Variants in NKD1 observed in about 807,000 individuals in gnomAD.
The protein encoded by NKD1 is NKD inhibitor of Wnt signaling pathway 1.
Under a neutral mutation model 56.0 loss-of-function variants are expected in NKD1, and 21 were observed. The observed-to-expected ratio is 0.38, with a 90% CI of 0.27 to 0.54. NKD1 has a LOEUF of 0.54. Among genes scored for constraint, NKD1 ranks in the 20% least tolerant of loss-of-function variants. The pLI is 0.82. For synonymous variants in NKD1, 263 were observed against 265.7 expected, an observed-to-expected ratio of 0.99 and a Z score of 0.10; for missense variants, 578 against 642.7, an observed-to-expected ratio of 0.90 and a Z score of 1.09.
At chr16:50,619,929 G>A (rs570092824) in intron 4 of NKD1, among the ~76,000 whole-genome samples, 1 of 152,356 alleles carries the variant, frequency 6.6e-6, no homozygotes, top group South Asian at 2.1e-4. Flanking sequence ...TGAAAGGCAT[G>A]GAGGGGCAGC....
intron 3 of NKD1, among the ~76,000 whole-genome samples, chr16:50,597,883 G>A (rs543071067): frequency 8.5e-5 from 13 of 152,282 alleles, no homozygotes; most frequent in Middle Eastern, 3.4e-3. Context: ...TCTGGAAGCC[G>A]CCAGTGTGAC....
At position 50,549,404 on chromosome 16, in the gene NKD1, A is replaced by G. The variant is rs1184723876; in HGVS notation, c.59-18A>G. 6.2e-7 allele frequency: 1 copy of G among 1,608,586 alleles called. No homozygotes were observed. Among genetic ancestry groups the G allele is most frequent in the African/African-American group, 1.3e-5 (1 of 74,414 alleles). ...ACCTGGAGCCAGACTCAGGGGCTTCATGTCGTCCCCGTCCCAGGTGACAGC... is the reference window on the plus strand; with the variant it reads ...ACCTGGAGCCAGACTCAGGGGCTTCGTGTCGTCCCCGTCCCAGGTGACAGC... On this transcript the variant is annotated intron_variant, in intron 2 of 9. Coordinates refer to ENST00000268459, the MANE Select transcript of NKD1 (RefSeq NM_033119.5).
intron 3 of NKD1, among the ~76,000 whole-genome samples, chr16:50,591,793 G>A (rs1009284094): frequency 1.3e-5 from 2 of 152,230 alleles, no homozygotes; most frequent in East Asian, 1.9e-4. Flanking sequence ...ATGAGCGTGC[G>A]CCACCTGGGC....
intron 3 of NKD1, among the ~76,000 whole-genome samples, chr16:50,572,396 A>G (rs1044646529): frequency 2.4e-4 from 36 of 152,230 alleles, no homozygotes; most frequent in African/African-American, 8.2e-4. Context: ...TCCTTGGAGA[A>G]TGAAAGTGCT....
At chr16:50,621,006 T>G (rs1015210599) in intron 4 of NKD1, among the ~76,000 whole-genome samples, 2 of 152,206 alleles carry the variant, frequency 1.3e-5, no homozygotes, top group Admixed American at 1.3e-4. Flanking sequence ...GCAGGTGTGA[T>G]GCATGAGTGT....
intron 6 of NKD1, among the ~76,000 whole-genome samples, chr16:50,628,661 C>T (rs937358034): frequency 5.3e-5 from 8 of 152,124 alleles, no homozygotes; most frequent in African/African-American, 1.9e-4. Flanking sequence ...GTATGGACAC[C>T]CCTGTTCTGG....
chr16:50,621,035 G>T (rs1014844173), intron 4 of NKD1, among the ~76,000 whole-genome samples: 1 of 152,206 alleles, frequency 6.6e-6, no homozygotes, highest in Non-Finnish European at 1.5e-5. Context: ...CTGCATGTGC[G>T]TGTGTATGTG....
rs753843675 is a variant in NKD1 at position 50,633,272 on chromosome 16, G to A, written c.904G>A (p.Ala302Thr). 2 of 1,614,124 alleles carry A rather than the reference G, an allele frequency of 1.2e-6. No homozygotes were observed. The highest frequency in any genetic ancestry group is 1.7e-5 in the Admixed American group (1 of 60,022). The change falls in exon 10 of 10, where the codon GCC becomes ACC. Residue 302 changes from alanine (A) to threonine (T), a missense_variant. By Grantham distance (58) the Ala-to-Thr change is moderately conservative. Coordinates refer to ENST00000268459, the MANE Select transcript of NKD1 (RefSeq NM_033119.5). The surrounding 1 kb of genome is among the most constrained non-coding windows in gnomAD (Gnocchi z 4.9). ...PTRSRSHEPE[A>T]IHIPHRKPQG... ...TCGATCTCGCTCCCATGAGCCGGAAGCCATCCACATCCCACACCGAAAGCC... is the reference window on the plus strand; with the variant it reads ...TCGATCTCGCTCCCATGAGCCGGAAACCATCCACATCCCACACCGAAAGCC...
Position 50,598,262 on chromosome 16 carries a change from T to TGTGTGTGTGTGTGTGCGC in NKD1, c.193-10031_193-10030insTGTGTGTGTGTGTGCGCG, listed in dbSNP as rs138964473. 4.8e-4 allele frequency among the ~76,000 whole-genome samples: 71 copies of TGTGTGTGTGTGTGTGCGC among 148,656 alleles called. No homozygotes were observed. The highest frequency in any genetic ancestry group is 1.8e-3 in the African/African-American group (70 of 39,148). Reference sequence around the variant, plus strand: ...GTGTGTGTGTGTGTGTGTGTGTGTGTGCGCGCACACCTGTGCTCATGGACA... The same window carrying TGTGTGTGTGTGTGTGCGC: ...GTGTGTGTGTGTGTGTGTGTGTGTGTGTGTGTGTGTGTGTGCGCGCGCGCACACCTGTGCTCATGGACA... On this transcript the variant is annotated intron_variant, in intron 3 of 9. Coordinates refer to ENST00000268459, the MANE Select transcript of NKD1 (RefSeq NM_033119.5). The surrounding 1 kb of genome is among the most constrained non-coding windows in gnomAD (Gnocchi z 4.2).
intron 4 of NKD1, 183 bp downstream of exon 4, chr16:50,608,543 T>C (rs746702): frequency 0.037 from 22,998 of 629,242 alleles, 1,393 homozygotes; most frequent in African/African-American, 0.21. Flanking sequence ...ACAGGTGTGG[T>C]ACTTCATAGG....
rs1263705439 is a variant in NKD1, at chr16:50,636,708, GAATA to G, written c.*2931_*2934del. 4.6e-5 allele frequency: 7 copies of G among 152,150 alleles called. No homozygotes were observed. The allele number at this position is 152,150 out of a possible 1,614,324, so 9.4% of individuals were successfully genotyped here. ...TGAAAGTGTTAGCTGTTCTTTACCAGAATAAATGCATTTCTATATCTTCCCATAT... is the reference window on the plus strand; with the variant it reads ...TGAAAGTGTTAGCTGTTCTTTACCAGAATGCATTTCTATATCTTCCCATAT... On this transcript the variant is annotated 3_prime_UTR_variant, in exon 10 of 10. Transcript: ENST00000268459.
At chr16:50,627,684 A>C (rs1962253057) in intron 6 of NKD1, among the ~76,000 whole-genome samples, 1 of 152,228 alleles carries the variant, frequency 6.6e-6, no homozygotes, top group Non-Finnish European at 1.5e-5. Context: ...CAGAAAGAAG[A>C]CCTGCTCCCC....
intron 4 of NKD1, among the ~76,000 whole-genome samples, chr16:50,617,825 G>C (rs1047343052): frequency 6.6e-6 from 1 of 152,236 alleles, no homozygotes; most frequent in Non-Finnish European, 1.5e-5. Context: ...AGGTGAAACT[G>C]TCTGTGCCCT....
rs1184082164 is a variant in NKD1, at chr16:50,623,222, C to T, written c.366+1514C>T. Among the ~76,000 whole-genome samples, 1 of 151,886 alleles carries T rather than the reference C, an allele frequency of 6.6e-6. No individual in the cohort carries two copies. The highest frequency in any genetic ancestry group is 1.5e-5 in the Non-Finnish European group (1 of 67,910). On this transcript the variant is annotated intron_variant, in intron 5 of 9. Transcript: ENST00000268459. This position sits in a 1 kb window ranked among gnomAD's most constrained non-coding sequence, Gnocchi z 4.1. ...CCCTGTGTGCAGGGTCTCTGGTGAC[C>T]GATCTTACCCCCTTTCCAGTGTCAT...
chr16:50,597,027 A>G (rs1171174366), intron 3 of NKD1, among the ~76,000 whole-genome samples: 2 of 152,064 alleles, frequency 1.3e-5, no homozygotes, highest in East Asian at 3.9e-4. Flanking sequence ...GATAGGGCAG[A>G]CAAATTGGGT....
chr16:50,617,997 T>C (rs1962000597), intron 4 of NKD1, among the ~76,000 whole-genome samples: 6 of 152,190 alleles, frequency 3.9e-5, no homozygotes, highest in Admixed American at 3.9e-4. Context: ...AAAGAAGCCA[T>C]GGACAATGCA....
chr16:50,608,327 A>C lies in NKD1; in HGVS notation c.226A>C (p.Ser76Arg). Residue 76 changes from serine to arginine, a missense_variant, in exon 4 of 10, where the codon AGC becomes CGC. Ser to Arg is a moderately radical substitution (Grantham distance 110). Coordinates refer to ENST00000268459, the MANE Select transcript of NKD1 (RefSeq NM_033119.5). ...LVGDVLRDTL[S>R]EEEEDDFRLE... ...GGGCGACGTGTTGAGAGACACGCTC[A>C]GCGAGGAAGAGGAGGACGACTTTCG... 1 of 1,613,620 alleles carries C rather than the reference A, an allele frequency of 6.2e-7. No individual in the cohort carries two copies. Among genetic ancestry groups the C allele is most frequent in the Non-Finnish European group, 8.5e-7 (1 of 1,179,790 alleles).
At chr16:50,572,266 C>T (rs757798802) in intron 3 of NKD1, among the ~76,000 whole-genome samples, 1 of 152,204 alleles carries the variant, frequency 6.6e-6, no homozygotes, top group Non-Finnish European at 1.5e-5. Flanking sequence ...TTGTTATTCA[C>T]CTGTGGTGGC....
intron 5 of NKD1, 40 bp downstream of exon 5, chr16:50,621,748 T>A: frequency 6.8e-7 from 1 of 1,472,792 alleles, no homozygotes; most frequent in Non-Finnish European, 9.4e-7. Flanking sequence ...GGAGATGAGA[T>A]GGGTTTTCTC....
Sources: gnomAD v4.1 joint callset for allele counts (sites outside exome capture counted in the v4.1 genomes callset) on GRCh38, gnomAD v4.1.1 for gene constraint, Gnocchi (gnomAD v3.1) non-coding constraint, MANE v1.5 for transcripts, NCBI Gene and HGNC (gene_info 2026-07-23, HGNC 2026-07-21) for gene names.